Variants in ZNF518A observed in about 807,000 individuals in gnomAD.
ZNF518A encodes the protein zinc finger protein 518A.
Under a neutral mutation model 102.7 loss-of-function variants are expected in ZNF518A, and 47 were observed. The observed-to-expected ratio is 0.46, with a 90% CI of 0.36 to 0.58. The LOEUF (loss-of-function observed/expected upper bound fraction) is 0.58. ZNF518A is among the 20% of genes least tolerant of loss of function. The probability of loss-of-function intolerance (pLI) is 0.00; values close to 1 mark genes in which losing one functional copy is unlikely to be tolerated. For synonymous variants in ZNF518A, 652 were observed against 594.6 expected (o/e 1.10, Z -1.40); for missense variants, 1,793 against 1,699.8 (o/e 1.05, Z -0.96).
intron 3 of ZNF518A, among the ~76,000 whole-genome samples, chr10:96,134,180 C>G (rs2081483117): frequency 6.6e-6 from 1 of 152,156 alleles, no homozygotes; most frequent in African/African-American, 2.4e-5. Flanking sequence ...ATTCCAAAAT[C>G]CACAAAAATC....
intron 1 of ZNF518A, among the ~76,000 whole-genome samples, chr10:96,193,725 A>C (rs2133915802): frequency 6.6e-6 from 1 of 152,368 alleles, no homozygotes; most frequent in South Asian, 2.1e-4. Flanking sequence ...GACAGTTGTC[A>C]AAACTGTAAA....
intron 1 of ZNF518A, among the ~76,000 whole-genome samples, chr10:96,187,740 C>T (rs1554892745): frequency 2.0e-5 from 3 of 152,200 alleles, no homozygotes. Flanking sequence ...TACTTCTTGA[C>T]TAGTGTCTCC....
At chr10:96,142,183 T>C (rs1329484357) in intron 3 of ZNF518A, among the ~76,000 whole-genome samples, 2 of 151,608 alleles carry the variant, frequency 1.3e-5, no homozygotes, top group Non-Finnish European at 2.9e-5. Context: ...AGGTAAACTT[T>C]TTGAAAACTT....
chr10:96,163,904 T>C (rs1262912378), downstream of ZNF518A: 1 of 165,040 alleles, frequency 6.1e-6, no homozygotes, highest in South Asian at 2.1e-4. Flanking sequence ...GTAAAAGAGC[T>C]ACAAAGTACG....
chr10:96,176,672 G>A (rs2083206320), intron 1 of ZNF518A, among the ~76,000 whole-genome samples: 1 of 152,210 alleles, frequency 6.6e-6, no homozygotes, highest in African/African-American at 2.4e-5. Flanking sequence ...AAGGCAGGAA[G>A]ATCACCTGAG....
Position 96,160,893 on chromosome 10 carries a change from A to G in ZNF518A, c.*119A>G. The G allele has an allele frequency of 4.6e-6, 5 of 1,084,614 alleles. No homozygotes were observed. The highest frequency in any genetic ancestry group is 6.2e-6 in the Non-Finnish European group (5 of 803,342). 67.2% of individuals were successfully genotyped at this position (1,084,614 alleles called of 1,614,324 possible). Reference sequence around the variant, plus strand: ...ATAGTACCTGAAATCGAACATTTTAAAAGTTGATTGTATTTCTGTGGAAGA... The same window carrying G: ...ATAGTACCTGAAATCGAACATTTTAGAAGTTGATTGTATTTCTGTGGAAGA... On this transcript the variant is annotated 3_prime_UTR_variant, in exon 6 of 6. Coordinates refer to ENST00000316045, the MANE Select transcript of ZNF518A (RefSeq NM_001330736.2).
At chr10:96,132,359 T>C (rs1484430356) in intron 1 of ZNF518A, among the ~76,000 whole-genome samples, 1 of 152,012 alleles carries the variant, frequency 6.6e-6, no homozygotes, top group Non-Finnish European at 1.5e-5. Context: ...TTTCTTGTAA[T>C]AAATGAAGAT....
chr10:96,160,856 T>A lies in ZNF518A; in HGVS notation c.*82T>A. 2 of 1,384,164 alleles carry A rather than the reference T, an allele frequency of 1.4e-6. No individual in the cohort carries two copies. Among genetic ancestry groups the A allele is most frequent in the Non-Finnish European group, 1.9e-6 (2 of 1,047,464 alleles). The allele number at this position is 1,384,164 out of a possible 1,614,324, so 85.7% of individuals were successfully genotyped here. ...GTTCAGTTACCATAATGCAGACATT[T>A]TCTACTTCAGTATAGTACCTGAAAT... On this transcript the variant is annotated 3_prime_UTR_variant, in exon 6 of 6. Coordinates refer to ENST00000316045, the MANE Select transcript of ZNF518A (RefSeq NM_001330736.2).
At chr10:96,182,737 A>C (rs781823742) in intron 1 of ZNF518A, among the ~76,000 whole-genome samples, 4 of 152,146 alleles carry the variant, frequency 2.6e-5, no homozygotes, top group Non-Finnish European at 5.9e-5. Context: ...CCAGTATTTT[A>C]TTGAGGATTT....
At chr10:96,131,110 G>C (rs1228265443) in intron 1 of ZNF518A, among the ~76,000 whole-genome samples, 1 of 152,070 alleles carries the variant, frequency 6.6e-6, no homozygotes, top group East Asian at 1.9e-4. Context: ...AAAAACCCTA[G>C]AAAAATAAAA....
chr10:96,156,698 G>A lies in ZNF518A; in HGVS notation c.376G>A (p.Asp126Asn), dbSNP rs187666338. 384 of 1,613,456 alleles carry A rather than the reference G, an allele frequency of 2.4e-4. 6 individuals carry two copies. In the Admixed American group the frequency reaches 6.2e-3, roughly 26 times the overall value. Residue 126 changes from aspartate to asparagine, a missense_variant, in exon 6 of 6, where the codon GAC becomes AAC. Transcript: ENST00000316045. ...CAATTTCAGCTGTTTAAAATGCCGA[G>A]ACAACACTCGATATAGCCCAAATGA... is the stretch of plus-strand genomic sequence containing the variant. ...ILNFSCLKCR[D>N]NTRYSPNDLQ... is the part of the protein sequence containing the mutation.
chr10:96,136,793 G>A (rs1554874619), intron 3 of ZNF518A, among the ~76,000 whole-genome samples: 1 of 152,190 alleles, frequency 6.6e-6, no homozygotes, highest in Non-Finnish European at 1.5e-5. Flanking sequence ...AAATGCTGTA[G>A]TTTCCTATGT....
chr10:96,166,435 A>C (rs2083140895), downstream of ZNF518A, among the ~76,000 whole-genome samples: 1 of 152,210 alleles, frequency 6.6e-6, no homozygotes, highest in Non-Finnish European at 1.5e-5. Flanking sequence ...GAGGTTCAAC[A>C]GTTGCCAGGT....
chr10:96,187,870 G>C (rs1404799779), intron 1 of ZNF518A, among the ~76,000 whole-genome samples: 2 of 152,192 alleles, frequency 1.3e-5, no homozygotes, highest in African/African-American at 4.8e-5. Context: ...TTTTGAGACA[G>C]AGTCTCACTC....
At chr10:96,148,023 C>T (rs1356315103) in intron 3 of ZNF518A, among the ~76,000 whole-genome samples, 2 of 151,908 alleles carry the variant, frequency 1.3e-5, no homozygotes, top group African/African-American at 4.8e-5. Context: ...CCTTATAGCC[C>T]TTCTGTTGCC....
intron 1 of ZNF518A, among the ~76,000 whole-genome samples, chr10:96,186,846 C>T (rs1217112819): frequency 3.3e-5 from 5 of 152,154 alleles, no homozygotes; most frequent in East Asian, 1.9e-4. Context: ...ATATCCTTCT[C>T]GTCTAATGGA....
chr10:96,185,686 G>A (rs782390454), intron 1 of ZNF518A, among the ~76,000 whole-genome samples: 11 of 152,070 alleles, frequency 7.2e-5, no homozygotes, highest in South Asian at 2.1e-4. Context: ...TGGAAGCTTC[G>A]TCTCAGATGG....
At position 96,130,456 on chromosome 10, in the gene ZNF518A, G is replaced by C. The variant is rs941703741; in HGVS notation, c.-749G>C. Among the ~76,000 whole-genome samples, 1 of 152,264 alleles carries C rather than the reference G, an allele frequency of 6.6e-6. No homozygotes were observed. The highest frequency in any genetic ancestry group is 2.1e-4 in the South Asian group (1 of 4,838). ...CATTCTAGGAGCTGGGTGGGAGTAG[G>C]AGACGGTGTGCCTCCGCGCTCCCCG... On this transcript the variant is annotated 5_prime_UTR_variant, in exon 1 of 6. Transcript: ENST00000316045.
At chr10:96,172,032 A>G (rs1001105582) in intron 1 of ZNF518A, among the ~76,000 whole-genome samples, 1 of 152,166 alleles carries the variant, frequency 6.6e-6, no homozygotes, top group Non-Finnish European at 1.5e-5. Flanking sequence ...ACTGTCTTTC[A>G]AAATTGAAGG....
Sources: gnomAD v4.1 joint callset for allele counts (sites outside exome capture counted in the v4.1 genomes callset) on GRCh38, gnomAD v4.1.1 for gene constraint, MANE v1.5 for transcripts, NCBI Gene and HGNC (gene_info 2026-07-23, HGNC 2026-07-21) for gene names.